The following PLXNA2 variants were observed in gnomAD, a reference collection of about 807,000 sequenced individuals.
The protein encoded by PLXNA2 is plexin-A2.
PLXNA2 carries 91 observed loss-of-function variants against 193.5 expected under a neutral mutation model. The ratio of observed to expected loss-of-function variants is 0.47; its 90% CI spans 0.40 to 0.56. PLXNA2 has a LOEUF of 0.56. Ranked by LOEUF, PLXNA2 falls within the 20% of genes least tolerant of loss-of-function variation. The pLI is 0.00. For missense variants in PLXNA2, 1,995 were observed against 2,503.2 expected, an observed-to-expected ratio of 0.80 and a Z score of 4.33; for synonymous variants, 997 against 1,027.3, an observed-to-expected ratio of 0.97 and a Z score of 0.56.
intron 4 of PLXNA2, among the ~76,000 whole-genome samples, chr1:208,140,437 G>T (rs1285972521): frequency 1.3e-5 from 2 of 152,164 alleles, no homozygotes; most frequent in Admixed American, 1.3e-4. Context: ...TGGGCTCAGA[G>T]AATCTAAGAA....
chr1:208,038,626 G>C lies in PLXNA2; in HGVS notation c.4661-152C>G. Reference sequence around the variant, plus strand: ...GCTAGAGACATCTAGGGCTCCATGGGCCCAGGCAGCAGAGGAAACACGTAG... The same window carrying C: ...GCTAGAGACATCTAGGGCTCCATGGCCCCAGGCAGCAGAGGAAACACGTAG... On this transcript the variant is annotated intron_variant, in intron 25 of 31. Coordinates refer to ENST00000367033, the MANE Select transcript of PLXNA2 (RefSeq NM_025179.4). The surrounding 1 kb of genome is among the most constrained non-coding windows in gnomAD (Gnocchi z 4.1). 1 of 784,952 alleles carries C rather than the reference G, an allele frequency of 1.3e-6. No individual in the cohort carries two copies. Among genetic ancestry groups the C allele is most frequent in the South Asian group, 1.6e-5 (1 of 60,612 alleles). The allele number at this position is 784,952 out of a possible 1,614,324, so 48.6% of individuals were successfully genotyped here. A position where few individuals can be genotyped will look rare whatever the true frequency, so the allele number is the denominator to read the frequency against.
intron 3 of PLXNA2, among the ~76,000 whole-genome samples, chr1:208,183,364 T>C (rs1157733877): frequency 1.3e-5 from 2 of 152,312 alleles, no homozygotes; most frequent in Non-Finnish European, 2.9e-5. Flanking sequence ...TCTTTTTTTC[T>C]CTTTCTCCCT....
intron 8 of PLXNA2, among the ~76,000 whole-genome samples, chr1:208,095,255 AC>A (rs755515166): frequency 2.6e-5 from 4 of 152,182 alleles, no homozygotes; most frequent in African/African-American, 4.8e-5. Context: ...CAGTTTCTCT[AC>A]CAGGGAGGAT....
At chr1:208,051,813 C>T (rs989682823) in intron 15 of PLXNA2, among the ~76,000 whole-genome samples, 7 of 152,188 alleles carry the variant, frequency 4.6e-5, no homozygotes, top group African/African-American at 9.7e-5. Flanking sequence ...GTGGAATTTA[C>T]GGTCCAAGGA....
In PLXNA2 at chr1:208,166,003, C is replaced by A. The variant is rs578253864; in HGVS notation, c.1372-23540G>T. ...CATACCGATGAACTGAGAGTTACTT[C>A]CCATGCGTAGGCCTCATCTCTAATT... On this transcript the variant is annotated intron_variant, in intron 3 of 31. Transcript: ENST00000367033. Among the ~76,000 whole-genome samples, 19 of 152,320 alleles carry A rather than the reference C, an allele frequency of 1.2e-4. No individual in the cohort carries two copies. The South Asian group carries it at 3.3e-3, about 27-fold the overall frequency.
intron 1 of PLXNA2, among the ~76,000 whole-genome samples, chr1:208,235,417 G>A (rs1390591042): frequency 6.6e-6 from 1 of 152,154 alleles, no homozygotes; most frequent in East Asian, 1.9e-4. Flanking sequence ...AGCACTTGTC[G>A]TTTTTCCAAC....
chr1:208,087,019 GACA>G (rs1433576256), intron 9 of PLXNA2, among the ~76,000 whole-genome samples: 10 of 148,662 alleles, frequency 6.7e-5, no homozygotes, highest in African/African-American at 2.5e-4. Flanking sequence ...GAGAGAGACA[GACA>G]GACAGACAGA....
chr1:208,130,888 C>A (rs980746583), intron 4 of PLXNA2, among the ~76,000 whole-genome samples: 3 of 152,194 alleles, frequency 2.0e-5, no homozygotes, highest in Non-Finnish European at 2.9e-5. Context: ...AAAAGCCCCC[C>A]ACATATTTCT....
chr1:208,210,188 T>A, intron 3 of PLXNA2, 92 bp downstream of exon 3: 1 of 1,375,134 alleles, frequency 7.3e-7, no homozygotes, highest in East Asian at 2.3e-5. Flanking sequence ...AAGTTGCCTA[T>A]AGTTAAATCT....
intron 8 of PLXNA2, 136 bp downstream of exon 8, chr1:208,095,893 A>C (rs1666868432): frequency 1.4e-6 from 1 of 711,964 alleles, no homozygotes; most frequent in South Asian, 1.7e-5. Flanking sequence ...CTGTCCAAAC[A>C]AAGTGTCAGG....
At chr1:208,156,564 A>G (rs891364715) in intron 3 of PLXNA2, among the ~76,000 whole-genome samples, 1 of 152,230 alleles carries the variant, frequency 6.6e-6, no homozygotes, top group East Asian at 1.9e-4. Context: ...GTAGAAAGGC[A>G]TGCAAACGAG....
At position 208,084,595 on chromosome 1, in the gene PLXNA2, G is replaced by C. The variant is rs754124044; in HGVS notation, c.2098-15C>G. The C allele has an allele frequency of 1.2e-6, 2 of 1,612,310 alleles. No homozygotes were observed. Among genetic ancestry groups the C allele is most frequent in the Non-Finnish European group, 1.7e-6 (2 of 1,178,664 alleles). On this transcript the variant is annotated splice_polypyrimidine_tract_variant and intron_variant, in intron 9 of 31. Transcript: ENST00000367033. ...TGGGGACAGTCCTGGGGGAACAAAC[G>C]AAGAGGCTCCATCTGTCCCCTGTTC...
At position 208,098,862 on chromosome 1, in the gene PLXNA2, G is replaced by A; in HGVS notation, c.1715C>T (p.Ser572Phe). Residue 572 changes from serine (S) to phenylalanine (F), a missense_variant, in exon 6 of 32, where the codon TCT becomes TTT. Physicochemically the swap from Ser to Phe is radical, Grantham distance 155. Transcript: ENST00000367033. ...LAVHPSSISV[S>F]EHSRLLSLVV... ...GTTACTTACCAACCGGCTGTGCTCAGATACTGAGATGCTGCTGGGATGCAC... is the reference window on the plus strand; with the variant it reads ...GTTACTTACCAACCGGCTGTGCTCAAATACTGAGATGCTGCTGGGATGCAC... The A allele has an allele frequency of 1.9e-6, 3 of 1,613,850 alleles. No homozygotes were observed. The highest frequency in any genetic ancestry group is 1.7e-6 in the Non-Finnish European group (2 of 1,179,934).
intron 4 of PLXNA2, among the ~76,000 whole-genome samples, chr1:208,117,654 C>T (rs1025571118): frequency 6.6e-6 from 1 of 152,126 alleles, no homozygotes; most frequent in Non-Finnish European, 1.5e-5. Context: ...CAGGAAGAAC[C>T]CAGCCCTGTA....
chr1:208,124,343 C>A (rs1286858456), intron 4 of PLXNA2, among the ~76,000 whole-genome samples: 8 of 152,032 alleles, frequency 5.3e-5, no homozygotes, highest in African/African-American at 1.9e-4. Context: ...AAATAACAAA[C>A]CTGCATATGT....
intron 3 of PLXNA2, among the ~76,000 whole-genome samples, chr1:208,175,653 G>T (rs2102537987): frequency 1.3e-5 from 2 of 152,288 alleles, no homozygotes; most frequent in Middle Eastern, 6.8e-3. Flanking sequence ...GTCTGAGCTG[G>T]AGTCCTGGGG....
At position 208,028,204 on chromosome 1, in the gene PLXNA2, A is replaced by T; in HGVS notation, c.5439-45T>A. ...CGCCTTGGTGGAGGCCTCAGCAAACATTTACCTATAGCTACCCCGGGCCCA... is the reference window on the plus strand; with the variant it reads ...CGCCTTGGTGGAGGCCTCAGCAAACTTTTACCTATAGCTACCCCGGGCCCA... On this transcript the variant is annotated intron_variant, in intron 30 of 31. Transcript: ENST00000367033. This position sits in a 1 kb window ranked among gnomAD's most constrained non-coding sequence, Gnocchi z 4.2. 1.3e-6 allele frequency: 2 copies of T among 1,551,306 alleles called. No homozygotes were observed. Among genetic ancestry groups the T allele is most frequent in the South Asian group, 2.4e-5 (2 of 81,738 alleles).
intron 1 of PLXNA2, among the ~76,000 whole-genome samples, chr1:208,239,309 GCT>G (rs1671972056): frequency 6.6e-6 from 1 of 152,098 alleles, no homozygotes; most frequent in Admixed American, 6.5e-5. Context: ...TGCCTGCAAG[GCT>G]CTCTTTCCCA....
At chr1:208,042,597 G>T (rs2102319560) in intron 21 of PLXNA2, among the ~76,000 whole-genome samples, 1 of 152,338 alleles carries the variant, frequency 6.6e-6, no homozygotes, top group African/African-American at 2.4e-5. Flanking sequence ...TGGGCTCCAT[G>T]CGGAGCTCTC....
Sources: gnomAD v4.1 joint callset for allele counts (sites outside exome capture counted in the v4.1 genomes callset) on GRCh38, gnomAD v4.1.1 for gene constraint, Gnocchi (gnomAD v3.1) non-coding constraint, MANE v1.5 for transcripts, NCBI Gene and HGNC (gene_info 2026-07-23, HGNC 2026-07-21) for gene names.